The following TOGARAM1 variants were observed in gnomAD, a reference collection of about 807,000 sequenced individuals.
The protein encoded by TOGARAM1 is TOG array regulator of axonemal microtubules protein 1.
Under a neutral mutation model 166.6 loss-of-function variants are expected in TOGARAM1, and 100 were observed. That is an observed-to-expected ratio of 0.60 (90% CI 0.51 to 0.71). TOGARAM1 has a LOEUF of 0.71. TOGARAM1 is among the 30% of genes least tolerant of loss of function. The pLI is 0.00. For missense variants in TOGARAM1, 2,029 were observed against 2,102.7 expected (o/e 0.96, Z 0.69); for synonymous variants, 758 against 763.8 (o/e 0.99, Z 0.13).
rs779733335 is a variant in TOGARAM1 at position 45,012,072 on chromosome 14, G to A, written c.3235G>A (p.Ala1079Thr). 2 of 1,567,966 alleles carry A rather than the reference G, an allele frequency of 1.3e-6. No individual in the cohort carries two copies. Among genetic ancestry groups the A allele is most frequent in the South Asian group, 1.2e-5 (1 of 85,162 alleles). Residue 1079 changes from alanine to threonine, a missense_variant, in exon 7 of 20, where the codon GCA (alanine) becomes ACA (threonine). Ala to Thr is a moderately conservative substitution (Grantham distance 58). This residue lies in a region of TOGARAM1 where 1,453 missense variants were observed against 1,432.2 expected (regional missense o/e 1.01). Transcript: ENST00000361462. ...TCATATTGCTGAACAAAGCCCCAGT[G>A]CAGGTATTCTATGTCTGTTTATAAA... is the stretch of plus-strand genomic sequence containing the variant. ...ISHIAEQSPS[A>T]GSSSNPQQIS... is the part of the protein sequence containing the mutation.
chr14:44,981,841 CTTTTTTTT>C (rs56409455), intron 1 of TOGARAM1, among the ~76,000 whole-genome samples: 1 of 80,308 alleles, frequency 1.2e-5, no homozygotes, highest in African/African-American at 4.8e-5. Context: ...TTTTCACTTA[CTTTTTTTT>C]TTTTTTTTTT....
chr14:45,037,260 C>G (rs1881482707), intron 11 of TOGARAM1, among the ~76,000 whole-genome samples: 1 of 152,216 alleles, frequency 6.6e-6, no homozygotes, highest in Non-Finnish European at 1.5e-5. Context: ...TCTGCTGCTG[C>G]TGGTTATCTC....
intron 5 of TOGARAM1, chr14:45,007,199 T>C (rs1879500823): frequency 6.6e-6 from 1 of 152,118 alleles, no homozygotes; most frequent in South Asian, 2.1e-4. Context: ...GAGTTAATAT[T>C]ACTGTATATT....
chr14:44,974,625 T>C (rs1886080416), intron 1 of TOGARAM1, among the ~76,000 whole-genome samples: 1 of 152,192 alleles, frequency 6.6e-6, no homozygotes. Flanking sequence ...TTTAGTAATA[T>C]ACTGTTAAGG....
chr14:45,008,155 T>A (rs2138851055), intron 5 of TOGARAM1: 1 of 152,310 alleles, frequency 6.6e-6, no homozygotes, highest in South Asian at 2.1e-4. Flanking sequence ...ACAGTTTATG[T>A]ATGTTTCTAT....
chr14:45,043,219 C>G (rs1275074611), intron 11 of TOGARAM1, among the ~76,000 whole-genome samples: 2 of 151,808 alleles, frequency 1.3e-5, no homozygotes. Flanking sequence ...GCTTTGTCAT[C>G]CAGGCTGGAG....
intron 14 of TOGARAM1, among the ~76,000 whole-genome samples, chr14:45,048,685 G>T (rs557483974): frequency 6.6e-6 from 1 of 151,776 alleles, no homozygotes; most frequent in African/African-American, 2.4e-5. Context: ...GTGGTTATAA[G>T]ACTGAGGTCA....
chr14:45,043,767 A>C lies in TOGARAM1; in HGVS notation c.3894A>C (p.Glu1298Asp). 6.2e-7 allele frequency: 1 copy of C among 1,612,082 alleles called. No individual in the cohort carries two copies. Among genetic ancestry groups the C allele is most frequent in the African/African-American group, 1.3e-5 (1 of 75,030 alleles). Reference protein sequence around the residue: ...HSEILNTKLHETNFAVVQEVK... With the variant: ...HSEILNTKLHDTNFAVVQEVK... ...AGATACTGAACACAAAGTTGCATGA[A>C]ACAAATTTTGCAGTTGTTCAAGAGG... Residue 1298 changes from glutamate to aspartate, a missense_variant, in exon 12 of 20, where the codon GAA becomes GAC. Glu to Asp is a conservative substitution (Grantham distance 45). Transcript: ENST00000361462.
In TOGARAM1 at chr14:45,066,779, T is replaced by A. The variant is rs750630785; in HGVS notation, c.4749+12T>A. 5.0e-6 allele frequency: 8 copies of A among 1,604,592 alleles called. No individual in the cohort carries two copies. The highest frequency in any genetic ancestry group is 6.0e-6 in the Non-Finnish European group (7 of 1,173,734). On this transcript the variant is annotated intron_variant, in intron 17 of 19. Transcript: ENST00000361462. ...GAAACATTGTGAAGGTAAGGACTTG[T>A]CAGAATTAATTTTAATGTGGGTATG...
At chr14:44,988,713 G>A (rs576317600) in intron 1 of TOGARAM1, among the ~76,000 whole-genome samples, 1 of 152,328 alleles carries the variant, frequency 6.6e-6, no homozygotes, top group East Asian at 1.9e-4. Flanking sequence ...AACAACTGAA[G>A]TAGAAGTAAT....
intron 4 of TOGARAM1, 88 bp downstream of exon 4, chr14:45,004,454 A>G (rs1181223686): frequency 9.2e-6 from 9 of 974,060 alleles, no homozygotes; most frequent in African/African-American, 4.9e-5. Context: ...TTTAAAAGCT[A>G]GTAAACTACA....
intron 1 of TOGARAM1, among the ~76,000 whole-genome samples, chr14:44,987,199 A>T (rs1480674566): frequency 1.3e-5 from 2 of 151,836 alleles, no homozygotes; most frequent in African/African-American, 2.4e-5. Context: ...TCGGCCTCCC[A>T]AAGTGCTGGG....
chr14:45,038,040 A>T (rs187432015), intron 11 of TOGARAM1, among the ~76,000 whole-genome samples: 78 of 152,212 alleles, frequency 5.1e-4, no homozygotes, highest in Admixed American at 1.9e-3. Context: ...AAAAGAAAAA[A>T]GTAAAGATGT....
chr14:45,001,791 A>G (rs190716739), intron 3 of TOGARAM1, among the ~76,000 whole-genome samples: 172 of 152,322 alleles, frequency 1.1e-3, no homozygotes, highest in Non-Finnish European at 1.6e-3. Context: ...TTTAGAATGT[A>G]TTATGTCTCT....
chr14:44,967,524 A>G (rs1182899688), intron 1 of TOGARAM1, among the ~76,000 whole-genome samples: 1 of 152,248 alleles, frequency 6.6e-6, no homozygotes, highest in East Asian at 1.9e-4. Context: ...ATTATTATTC[A>G]AACAGCATGA....
chr14:45,028,470 T>A, intron 10 of TOGARAM1, 141 bp downstream of exon 10: 1 of 823,984 alleles, frequency 1.2e-6, no homozygotes, highest in Non-Finnish European at 1.9e-6. Context: ...TGCCTTTAAT[T>A]AGCTTTGTGA....
At chr14:44,988,575 G>T (rs1886976154) in intron 1 of TOGARAM1, among the ~76,000 whole-genome samples, 1 of 152,180 alleles carries the variant, frequency 6.6e-6, no homozygotes, top group South Asian at 2.1e-4. Context: ...TATATTCCTT[G>T]TAGCAGAAGT....
intron 1 of TOGARAM1, among the ~76,000 whole-genome samples, chr14:44,990,461 C>T (rs935797929): frequency 2.0e-5 from 3 of 152,208 alleles, no homozygotes; most frequent in East Asian, 3.9e-4. Context: ...ACTTTCAGGC[C>T]ACATGTTTAA....
At position 45,006,381 on chromosome 14, in the gene TOGARAM1, T is replaced by C. The variant is rs186427395; in HGVS notation, c.2904+114T>C. On this transcript the variant is annotated intron_variant, in intron 5 of 19. Transcript: ENST00000361462. Reference sequence around the variant, plus strand: ...TCCTATAATATCTTATTTCTAAAAATATGTTCATTATAGAAAATGTGGAAA... The same window carrying C: ...TCCTATAATATCTTATTTCTAAAAACATGTTCATTATAGAAAATGTGGAAA... The C allele has an allele frequency of 2.8e-5, 21 of 740,628 alleles. No homozygotes were observed. The East Asian group carries it at 5.6e-4, about 20-fold the overall frequency. 45.9% of individuals were successfully genotyped at this position (740,628 alleles called of 1,614,324 possible).
Sources: gnomAD v4.1 joint callset for allele counts (sites outside exome capture counted in the v4.1 genomes callset) on GRCh38, gnomAD v4.1.1 for gene constraint, gnomAD v4.1.1 regional missense constraint, MANE v1.5 for transcripts, NCBI Gene and HGNC (gene_info 2026-07-23, HGNC 2026-07-21) for gene names.